Variants in SLC44A5 observed in about 807,000 individuals in gnomAD.
The protein encoded by SLC44A5 is choline transporter-like protein 5.
In SLC44A5, 57 loss-of-function variants were observed where a neutral mutation model predicts 101.8. The ratio of observed to expected loss-of-function variants is 0.56; its 90% CI spans 0.45 to 0.70. The LOEUF is 0.70. Among genes scored for constraint, SLC44A5 ranks in the 30% least tolerant of loss-of-function variants. SLC44A5 has a pLI of 0.00. For synonymous variants in SLC44A5, 281 were observed against 290.9 expected (o/e 0.97, Z 0.35); for missense variants, 737 against 853.1 (o/e 0.86, Z 1.70).
At chr1:75,477,272 A>C (rs2101753536) in intron 2 of SLC44A5, among the ~76,000 whole-genome samples, 1 of 152,302 alleles carries the variant, frequency 6.6e-6, no homozygotes, top group Non-Finnish European at 1.5e-5. Context: ...ATCATCAAAG[A>C]CTAAAAGTAG....
At chr1:75,452,530 G>A (rs1256137942) in intron 2 of SLC44A5, among the ~76,000 whole-genome samples, 1 of 152,048 alleles carries the variant, frequency 6.6e-6, no homozygotes, top group Admixed American at 6.5e-5. Flanking sequence ...TTCATAATAG[G>A]ATCAAAACCT....
intron 3 of SLC44A5, among the ~76,000 whole-genome samples, chr1:75,343,917 G>A (rs1658065057): frequency 6.6e-6 from 1 of 152,072 alleles, no homozygotes; most frequent in Admixed American, 6.6e-5. Flanking sequence ...TTTCTTACAG[G>A]ATGATGTTCC....
chr1:75,299,661 T>G (rs1462666585), intron 5 of SLC44A5, among the ~76,000 whole-genome samples: 1 of 152,098 alleles, frequency 6.6e-6, no homozygotes, highest in East Asian at 1.9e-4. Flanking sequence ...CATATACAAT[T>G]GTGAAACCTT....
intron 1 of SLC44A5, among the ~76,000 whole-genome samples, chr1:75,598,715 G>A (rs1570710913): frequency 6.6e-6 from 1 of 152,156 alleles, no homozygotes; most frequent in African/African-American, 2.4e-5. Flanking sequence ...ACAAGTGGGA[G>A]CTAAATGATG....
intron 4 of SLC44A5, among the ~76,000 whole-genome samples, chr1:75,330,136 CACACATGCATATACGT>C (rs1656918411): frequency 1.0e-5 from 1 of 97,754 alleles, no homozygotes. Flanking sequence ...CACACACACA[CACACATGCATATACGT>C]ATATGCATAT....
chr1:75,678,522 G>T, the SLC44A5 span, among the ~76,000 whole-genome samples: 1 of 150,138 alleles, frequency 6.7e-6, no homozygotes, highest in Admixed American at 6.6e-5. Flanking sequence ...CACACTGCAG[G>T]GTACTCCAAC....
At chr1:75,593,288 T>C (rs369564892) in intron 1 of SLC44A5, among the ~76,000 whole-genome samples, 2 of 152,026 alleles carry the variant, frequency 1.3e-5, no homozygotes, top group Admixed American at 6.6e-5. Context: ...AAATGAGATA[T>C]CATCTCACCC....
rs560597758 is a variant in SLC44A5, at chr1:75,448,997, C to T, written c.14-52376G>A. ...CTCAACCACAGCATGCTCTCTCCCA[C>T]CACTAAGATTCTGAATGTGTTCATC... On this transcript the variant is annotated intron_variant, in intron 2 of 23. Transcript: ENST00000370859. 3.9e-5 allele frequency among the ~76,000 whole-genome samples: 6 copies of T among 152,238 alleles called. No homozygotes were observed. The East Asian group carries it at 1.2e-3, about 29-fold the overall frequency.
the SLC44A5 span, among the ~76,000 whole-genome samples, chr1:75,643,065 C>T: frequency 6.6e-5 from 10 of 152,002 alleles, no homozygotes; most frequent in African/African-American, 2.4e-4. Context: ...GCTAGATTTC[C>T]TATACTGATT....
chr1:75,492,031 G>A (rs902509047), intron 2 of SLC44A5, among the ~76,000 whole-genome samples: 1 of 152,070 alleles, frequency 6.6e-6, no homozygotes, highest in Non-Finnish European at 1.5e-5. Context: ...AATAGCCTGT[G>A]GCTGACTGAA....
At chr1:75,579,393 T>G (rs1216210370) in intron 1 of SLC44A5, among the ~76,000 whole-genome samples, 1 of 152,158 alleles carries the variant, frequency 6.6e-6, no homozygotes, top group Non-Finnish European at 1.5e-5. Flanking sequence ...CAGTGAGCTG[T>G]GATCACACGA....
chr1:75,301,219 A>G (rs1427192562), intron 4 of SLC44A5, among the ~76,000 whole-genome samples: 1 of 152,176 alleles, frequency 6.6e-6, no homozygotes, highest in Non-Finnish European at 1.5e-5. Flanking sequence ...AAAATGCCTC[A>G]AAAGTATAAG....
At chr1:75,339,731 AGT>A (rs1260393787) in intron 3 of SLC44A5, 101 bp from the exon 4 acceptor site, 2 of 933,468 alleles carry the variant, frequency 2.1e-6, no homozygotes, top group Non-Finnish European at 1.6e-6. Flanking sequence ...TCCACTGCTC[AGT>A]GCAGTGATGA....
the SLC44A5 span, among the ~76,000 whole-genome samples, chr1:75,699,093 A>G: frequency 2.4e-4 from 36 of 152,226 alleles, no homozygotes; most frequent in Admixed American, 2.2e-3. Flanking sequence ...GATATTATCC[A>G]GGAGAACTTC....
At chr1:75,274,474 C>T (rs577325577) in intron 6 of SLC44A5, among the ~76,000 whole-genome samples, 4 of 152,220 alleles carry the variant, frequency 2.6e-5, no homozygotes, top group Admixed American at 2.6e-4. Context: ...AGGGACATTG[C>T]CCACAGCAGC....
At chr1:75,333,889 T>C (rs1657246253) in intron 4 of SLC44A5, among the ~76,000 whole-genome samples, 1 of 152,196 alleles carries the variant, frequency 6.6e-6, no homozygotes, top group African/African-American at 2.4e-5. Context: ...ACACTTATCC[T>C]TTCATTGTAG....
rs192885682 is a variant in SLC44A5 at position 75,600,361 on chromosome 1, A to G, written c.-70+10679T>C. ...AAAGTTGAGTTAGAACAGTAGGACC[A>G]CTTGTTTTCCAAAACTTTTTCAATG... is the stretch of plus-strand genomic sequence containing the variant. On this transcript the variant is annotated intron_variant, in intron 1 of 23. Coordinates refer to ENST00000370859, the MANE Select transcript of SLC44A5 (RefSeq NM_001130058.2). Among the ~76,000 whole-genome samples, 18 of 152,316 alleles carry G rather than the reference A, an allele frequency of 1.2e-4. No homozygotes were observed. The East Asian group carries it at 3.3e-3, about 28-fold the overall frequency.
At chr1:75,530,442 C>T (rs556728324) in intron 2 of SLC44A5, among the ~76,000 whole-genome samples, 1 of 152,184 alleles carries the variant, frequency 6.6e-6, no homozygotes, top group African/African-American at 2.4e-5. Context: ...AATAATCAAC[C>T]TTTCAGGGTT....
intron 3 of SLC44A5, among the ~76,000 whole-genome samples, chr1:75,345,514 G>A (rs182792190): frequency 1.5e-4 from 23 of 152,276 alleles, no homozygotes; most frequent in African/African-American, 5.3e-4. Flanking sequence ...AAAGCGATCA[G>A]TGTAGAATCA....
Sources: allele counts gnomAD v4.1 joint callset (sites outside exome capture counted in the v4.1 genomes callset), GRCh38; gene constraint gnomAD v4.1.1; transcripts MANE v1.5; gene names NCBI Gene and HGNC (gene_info 2026-07-23, HGNC 2026-07-21).